ADAMTS12: variants seen among roughly 807,000 people sequenced by gnomAD.
ADAMTS12 encodes the protein ADAM metallopeptidase with thrombospondin type 1 motif 12, also known as A disintegrin and metalloproteinase with thrombospondin motifs 12.
A neutral mutation model predicts 167.8 loss-of-function variants in ADAMTS12; 118 were observed. The ratio of observed to expected loss-of-function variants is 0.70; its 90% CI spans 0.61 to 0.82. The LOEUF is 0.82. Among genes scored for constraint, ADAMTS12 ranks in the 40% least tolerant of loss-of-function variants. The pLI, the probability that ADAMTS12 is intolerant of heterozygous loss-of-function variation, is 0.00. For synonymous variants in ADAMTS12, 704 were observed against 716.9 expected (o/e 0.98, Z 0.29); for missense variants, 1,916 against 1,998.8 (o/e 0.96, Z 0.79).
intron 2 of ADAMTS12, among the ~76,000 whole-genome samples, chr5:33,772,398 C>A (rs1705964674): frequency 6.6e-6 from 1 of 152,124 alleles, no homozygotes; most frequent in Admixed American, 6.5e-5. Flanking sequence ...GCAGCCCAGG[C>A]ATCTTCTACC....
chr5:33,596,201 G>T, intron 16 of ADAMTS12, 141 bp from the exon 17 acceptor site: 2 of 1,054,362 alleles, frequency 1.9e-6, no homozygotes, highest in Non-Finnish European at 2.7e-6. Flanking sequence ...TTTAAAGGAG[G>T]GATGAAGAAT....
At chr5:33,581,993 C>T (rs1747087500) in intron 18 of ADAMTS12, among the ~76,000 whole-genome samples, 1 of 152,170 alleles carries the variant, frequency 6.6e-6, no homozygotes, top group Admixed American at 6.5e-5. Context: ...TTCATCCTCC[C>T]AGCTTTCAGA....
At chr5:33,775,335 G>A (rs892125143) in intron 2 of ADAMTS12, among the ~76,000 whole-genome samples, 6 of 152,164 alleles carry the variant, frequency 3.9e-5, no homozygotes, top group African/African-American at 1.2e-4. Context: ...GGTGGGTAAA[G>A]GGCCCATGGA....
intron 3 of ADAMTS12, among the ~76,000 whole-genome samples, chr5:33,693,796 CA>C (rs894338587): frequency 9.2e-5 from 14 of 152,068 alleles, no homozygotes; most frequent in African/African-American, 3.1e-4. Flanking sequence ...CTATTTAACA[CA>C]GTACTGGGAG....
intron 3 of ADAMTS12, among the ~76,000 whole-genome samples, chr5:33,684,738 G>A (rs1325089292): frequency 6.6e-6 from 1 of 152,192 alleles, no homozygotes; most frequent in Non-Finnish European, 1.5e-5. Context: ...GTGACTAACA[G>A]GTTTTAGTAT....
At chr5:33,789,655 G>A (rs1746453445) in intron 2 of ADAMTS12, among the ~76,000 whole-genome samples, 1 of 152,208 alleles carries the variant, frequency 6.6e-6, no homozygotes, top group Non-Finnish European at 1.5e-5. Flanking sequence ...CAACATCAGT[G>A]CTTTGATAGA....
Position 33,881,121 on chromosome 5 carries a change from G to C in ADAMTS12, c.487C>G (p.Leu163Val). The C allele has an allele frequency of 3.1e-6, 5 of 1,612,932 alleles. No individual in the cohort carries two copies. Among genetic ancestry groups the C allele is most frequent in the Non-Finnish European group, 4.2e-6 (5 of 1,179,800 alleles). ...GAGATGCCAGAGCCCACACTCACCA[G>C]TCCATGGCAGGCACTGAGGGCTGCC... ...GTAALSACHG[L>V]TGFFQLPHGD... Residue 163 changes from leucine to valine, a missense_variant and splice_region_variant, in exon 2 of 24, where the codon CTG becomes GTG. Physicochemically the swap from Leu to Val is conservative, Grantham distance 32 (BLOSUM62 1). Coordinates refer to ENST00000504830, the MANE Select transcript of ADAMTS12 (RefSeq NM_030955.4).
At chr5:33,534,301 C>A (rs1469422188) in intron 23 of ADAMTS12, among the ~76,000 whole-genome samples, 1 of 126,332 alleles carries the variant, frequency 7.9e-6, no homozygotes, top group Non-Finnish European at 1.6e-5. Flanking sequence ...GAGAAGGCAC[C>A]CTGGCTGTGT....
intron 2 of ADAMTS12, among the ~76,000 whole-genome samples, chr5:33,758,762 G>C (rs937715017): frequency 2.0e-5 from 3 of 152,066 alleles, no homozygotes; most frequent in African/African-American, 7.2e-5. Flanking sequence ...CCAGGAGGTG[G>C]GACACACTCC....
chr5:33,638,686 A>C (rs990912378), intron 11 of ADAMTS12, among the ~76,000 whole-genome samples: 1 of 152,124 alleles, frequency 6.6e-6, no homozygotes, highest in Non-Finnish European at 1.5e-5. Context: ...ATCATTCCCA[A>C]AGATAGTTCT....
chr5:33,671,991 A>G (rs1212381551), intron 5 of ADAMTS12, among the ~76,000 whole-genome samples: 1 of 149,728 alleles, frequency 6.7e-6, no homozygotes. Context: ...ACATACACAC[A>G]CACCCATATA....
intron 23 of ADAMTS12, among the ~76,000 whole-genome samples, chr5:33,528,890 C>T (rs1743958439): frequency 6.6e-6 from 1 of 152,010 alleles, no homozygotes; most frequent in Non-Finnish European, 1.5e-5. Context: ...ACTAAAAATA[C>T]AAAAAGTAGC....
chr5:33,617,760 G>C (rs1460186926), intron 14 of ADAMTS12, among the ~76,000 whole-genome samples: 1 of 151,576 alleles, frequency 6.6e-6, no homozygotes, highest in Non-Finnish European at 1.5e-5. Context: ...CTACCACCTT[G>C]CTCCTTGCTT....
intron 2 of ADAMTS12, among the ~76,000 whole-genome samples, chr5:33,773,367 T>C (rs1284402161): frequency 6.6e-6 from 1 of 152,180 alleles, no homozygotes; most frequent in Non-Finnish European, 1.5e-5. Context: ...TCTTCTCACA[T>C]AGGGTATTCA....
In ADAMTS12 at chr5:33,669,293, G is replaced by A. The variant is rs184263519; in HGVS notation, c.916-7253C>T. Among the ~76,000 whole-genome samples, 173 of 152,188 alleles carry A rather than the reference G, an allele frequency of 1.1e-3. 1 individual carries two copies. Among genetic ancestry groups the A allele is most frequent in the African/African-American group, 4.1e-3 (169 of 41,534 alleles). ...CCTACCACAGTCTTTTCTTTTGTTC[G>A]TTGTAATGATATCATCCAGTTCCCT... On this transcript the variant is annotated intron_variant, in intron 5 of 23. Transcript: ENST00000504830.
At chr5:33,778,443 A>G (rs1745995198) in intron 2 of ADAMTS12, among the ~76,000 whole-genome samples, 2 of 151,602 alleles carry the variant, frequency 1.3e-5, no homozygotes, top group Non-Finnish European at 2.9e-5. Context: ...TCTTCAATAA[A>G]TGGTGTTGGG....
chr5:33,646,063 G>A (rs542869914), intron 9 of ADAMTS12, among the ~76,000 whole-genome samples: 1 of 152,160 alleles, frequency 6.6e-6, no homozygotes, highest in Non-Finnish European at 1.5e-5. Context: ...GGGTTCTAGA[G>A]GTTGTGGAGA....
At chr5:33,627,185 G>C (rs527583502) in intron 13 of ADAMTS12, among the ~76,000 whole-genome samples, 1 of 148,796 alleles carries the variant, frequency 6.7e-6, no homozygotes, top group African/African-American at 2.5e-5. Flanking sequence ...GTAGTGATGA[G>C]GTGGTGGTGA....
chr5:33,770,685 T>C (rs138900148), intron 2 of ADAMTS12, among the ~76,000 whole-genome samples: 1 of 152,114 alleles, frequency 6.6e-6, no homozygotes, highest in Non-Finnish European at 1.5e-5. Context: ...CCCAGGTACA[T>C]GTACACTTCT....
Sources: gnomAD v4.1 joint callset for allele counts (sites outside exome capture counted in the v4.1 genomes callset) on GRCh38, gnomAD v4.1.1 for gene constraint, MANE v1.5 for transcripts, NCBI Gene and HGNC (gene_info 2026-07-23, HGNC 2026-07-21) for gene names.